Variants in MAP3K19 observed in about 807,000 individuals in gnomAD.
MAP3K19 encodes mitogen-activated protein kinase kinase kinase 19, also known as SPS1/STE20-related protein kinase YSK4.
A neutral mutation model predicts 114.4 loss-of-function variants in MAP3K19; 91 were observed. The ratio of observed to expected loss-of-function variants is 0.80; its 90% CI spans 0.67 to 0.95. The LOEUF is 0.95. MAP3K19 is among the 40% of genes least tolerant of loss of function. The probability of loss-of-function intolerance (pLI) is 0.00; values close to 1 mark genes in which losing one functional copy is unlikely to be tolerated. For synonymous variants in MAP3K19, 518 were observed against 530.5 expected (o/e 0.98, Z 0.32); for missense variants, 1,471 against 1,573.2 (o/e 0.94, Z 1.10).
At position 134,980,941 on chromosome 2, in the gene MAP3K19, A is replaced by T; in HGVS notation, c.3800T>A (p.Leu1267Gln). 6.2e-7 allele frequency: 1 copy of T among 1,614,128 alleles called. No individual in the cohort carries two copies. The highest frequency in any genetic ancestry group is 8.5e-7 in the Non-Finnish European group (1 of 1,179,948). ...GGCGGCCATCCTGTCCATGGAAGCC[A>T]GTGGAGGCTTCCCTGTAGCCATCTC... is the stretch of plus-strand genomic sequence containing the variant. ...VFEMATGKPP[L>Q]ASMDRMAAMF... Residue 1267 changes from leucine to glutamine, a missense_variant, in exon 12 of 13, where the codon CTG (leucine) becomes CAG (glutamine). Physicochemically the swap from Leu to Gln is moderately radical, Grantham distance 113 (BLOSUM62 -2). Coordinates refer to ENST00000392915, the MANE Select transcript of MAP3K19 (RefSeq NM_025052.5).
intron 5 of MAP3K19, among the ~76,000 whole-genome samples, chr2:135,009,804 C>G (rs557274301): frequency 6.6e-6 from 1 of 152,132 alleles, no homozygotes; most frequent in East Asian, 1.9e-4. Flanking sequence ...AAAATCAGAC[C>G]TTGGCAATGA....
At chr2:135,009,231 C>G (rs901592738) in intron 5 of MAP3K19, among the ~76,000 whole-genome samples, 6 of 151,672 alleles carry the variant, frequency 4.0e-5, no homozygotes, top group African/African-American at 1.5e-4. Flanking sequence ...TCCCAAAGAG[C>G]TGGGATTACA....
intron 2 of MAP3K19, among the ~76,000 whole-genome samples, chr2:135,034,171 G>T (rs1688468241): frequency 9.9e-6 from 1 of 100,952 alleles, no homozygotes; most frequent in Non-Finnish European, 1.8e-5. Context: ...CAGGCGATGG[G>T]CGGCCGGGCA....
In MAP3K19 at chr2:134,964,669, G is replaced by A. The variant is rs1218237161; in HGVS notation, c.*181C>T. 2 of 459,428 alleles carry A rather than the reference G, an allele frequency of 4.4e-6. No individual in the cohort carries two copies. Among genetic ancestry groups the A allele is most frequent in the Non-Finnish European group, 8.1e-6 (2 of 247,900 alleles). The allele number at this position is 459,428 out of a possible 1,614,324, so 28.5% of individuals were successfully genotyped here. On this transcript the variant is annotated 3_prime_UTR_variant, in exon 13 of 13. Transcript: ENST00000392915. Reference sequence around the variant, plus strand: ...GTTTTCTGATACTATGAGTAATAATGTCTGACACTTGAGGAGGCTAATATG... The same window carrying A: ...GTTTTCTGATACTATGAGTAATAATATCTGACACTTGAGGAGGCTAATATG...
At chr2:134,971,019 A>C (rs1683841154) in intron 12 of MAP3K19, among the ~76,000 whole-genome samples, 1 of 152,138 alleles carries the variant, frequency 6.6e-6, no homozygotes, top group Non-Finnish European at 1.5e-5. Context: ...AAAGGCTTTC[A>C]CCTTTTCCCC....
intron 10 of MAP3K19, 67 bp from the exon 11 acceptor site, chr2:134,983,892 G>T: frequency 9.1e-7 from 1 of 1,102,238 alleles, no homozygotes; most frequent in East Asian, 2.6e-5. Context: ...AGAAAGGGGT[G>T]AGAGTAAAGT....
chr2:135,032,356 GAAAAA>G (rs760579264), intron 2 of MAP3K19, among the ~76,000 whole-genome samples: 5 of 72,212 alleles, frequency 6.9e-5, no homozygotes, highest in Non-Finnish European at 1.0e-4. Context: ...GACTCTGTCT[GAAAAA>G]AAAAAAAAAA....
In MAP3K19 at chr2:134,983,721, G is replaced by T. The variant is rs1165381732; in HGVS notation, c.3177C>A (p.Ile1059=). The T allele has an allele frequency of 1.3e-6, 2 of 1,597,750 alleles. No individual in the cohort carries two copies. The highest frequency in any genetic ancestry group is 3.6e-5 in the Admixed American group (2 of 55,214). The change falls in exon 11 of 13, where the codon ATC becomes ATA. Residue 1059 remains isoleucine, a synonymous_variant. Coordinates refer to ENST00000392915, the MANE Select transcript of MAP3K19 (RefSeq NM_025052.5). ...SENSLKSEEP[I]LWTKGEILGK... is the part of the protein sequence containing the mutation. Reference sequence around the variant, plus strand: ...CAAGAATCTCACCCTTGGTCCATAGGATAGGTTCTTCAGACTTTAAACTAT... The same window carrying T: ...CAAGAATCTCACCCTTGGTCCATAGTATAGGTTCTTCAGACTTTAAACTAT...
At chr2:134,983,066 C>T in intron 11 of MAP3K19, 1 of 385,898 alleles carries the variant, frequency 2.6e-6, no homozygotes, top group Non-Finnish European at 5.2e-6. Context: ...GGGGGCATTT[C>T]AATCTTCTAG....
Position 134,986,380 on chromosome 2 carries a change from G to T in MAP3K19, c.2492C>A (p.Thr831Asn). Residue 831 changes from threonine to asparagine, a missense_variant, in exon 10 of 13, where the codon ACC (threonine) becomes AAC (asparagine). Thr to Asn is a moderately conservative substitution (Grantham distance 65). Coordinates refer to ENST00000392915, the MANE Select transcript of MAP3K19 (RefSeq NM_025052.5). Reference sequence around the variant, plus strand: ...TTCTTGCAGATCTCTGAGGCTTGTGGTGAGTATTTGATTGTTAGAAATGTC... The same window carrying T: ...TTCTTGCAGATCTCTGAGGCTTGTGTTGAGTATTTGATTGTTAGAAATGTC... Reference protein sequence around the residue: ...DRDISNNQILTTSLRDLQELE... With the variant: ...DRDISNNQILNTSLRDLQELE... 1 of 1,613,894 alleles carries T rather than the reference G, an allele frequency of 6.2e-7. No homozygotes were observed. Among genetic ancestry groups the T allele is most frequent in the Non-Finnish European group, 8.5e-7 (1 of 1,180,012 alleles).
chr2:135,036,670 T>C (rs1213522613), intron 2 of MAP3K19, among the ~76,000 whole-genome samples: 2 of 150,476 alleles, frequency 1.3e-5, no homozygotes, highest in Non-Finnish European at 2.9e-5. Context: ...TGTGTGTGTG[T>C]GTGTGTGTGT....
At chr2:135,009,935 A>C (rs890137957) in intron 5 of MAP3K19, among the ~76,000 whole-genome samples, 14 of 152,110 alleles carry the variant, frequency 9.2e-5, no homozygotes, top group African/African-American at 3.4e-4. Context: ...TATTATCTTC[A>C]TTTTGTACCT....
intron 3 of MAP3K19, among the ~76,000 whole-genome samples, chr2:135,029,408 G>A (rs1167172518): frequency 6.6e-6 from 1 of 151,976 alleles, no homozygotes; most frequent in Non-Finnish European, 1.5e-5. Context: ...AAAAACATTA[G>A]ATTACAATTA....
chr2:134,967,382 C>G (rs927033225), intron 12 of MAP3K19, among the ~76,000 whole-genome samples: 1 of 152,206 alleles, frequency 6.6e-6, no homozygotes, highest in South Asian at 2.1e-4. Flanking sequence ...AGAGGAAATC[C>G]TCTTGCAGTT....
chr2:134,992,132 T>C (rs1355178404), intron 8 of MAP3K19, among the ~76,000 whole-genome samples: 1 of 152,180 alleles, frequency 6.6e-6, no homozygotes, highest in Non-Finnish European at 1.5e-5. Flanking sequence ...TTTGGGAAAA[T>C]CAGCCTCTAA....
chr2:134,984,413 G>A (rs1458658554), intron 10 of MAP3K19, among the ~76,000 whole-genome samples: 2 of 151,968 alleles, frequency 1.3e-5, no homozygotes, highest in African/African-American at 4.8e-5. Context: ...ATACACATAT[G>A]TACTGAGAGA....
At position 135,019,892 on chromosome 2, in the gene MAP3K19, G is replaced by A. The variant is rs75345250; in HGVS notation, c.138+1823C>T. Among the ~76,000 whole-genome samples the A allele has an allele frequency of 2.5e-3, 379 of 152,232 alleles. 2 individuals carry two copies. The highest frequency in any genetic ancestry group is 8.0e-3 in the African/African-American group (331 of 41,536). On this transcript the variant is annotated intron_variant, in intron 5 of 12. Transcript: ENST00000392915. ...AATGCTTGTTACTAATACTGTTACT[G>A]TACTATAGGGGACTTTTTGTAAAGT...
At chr2:135,035,140 T>TA (rs1173270938) in intron 2 of MAP3K19, among the ~76,000 whole-genome samples, 1 of 151,830 alleles carries the variant, frequency 6.6e-6, no homozygotes, top group Non-Finnish European at 1.5e-5. Context: ...CTCACACCTG[T>TA]AATCCCAGCA....
intron 1 of MAP3K19, among the ~76,000 whole-genome samples, chr2:135,042,166 T>C (rs1417918463): frequency 6.6e-6 from 1 of 152,194 alleles, no homozygotes; most frequent in Non-Finnish European, 1.5e-5. Context: ...CTTACAGATG[T>C]CAGAGAAATG....
Sources: gnomAD v4.1 joint callset for allele counts (sites outside exome capture counted in the v4.1 genomes callset) on GRCh38, gnomAD v4.1.1 for gene constraint, MANE v1.5 for transcripts, NCBI Gene and HGNC (gene_info 2026-07-23, HGNC 2026-07-21) for gene names.